Variants in LUZP2 observed in about 807,000 individuals in gnomAD.
The protein encoded by LUZP2 is leucine zipper protein 2.
In LUZP2, 52 loss-of-function variants were observed where a neutral mutation model predicts 51.6. The observed-to-expected ratio is 1.01, with a 90% CI of 0.81 to 1.27. The LOEUF is 1.27. LUZP2 is among the 50% of genes most tolerant of loss of function. LUZP2 has a pLI of 0.00. For synonymous variants in LUZP2, 154 were observed against 137.3 expected (o/e 1.12, Z -0.85); for missense variants, 436 against 395.4 (o/e 1.10, Z -0.87).
chr11:24,656,252 A>G (rs902757889), intron 1 of LUZP2, among the ~76,000 whole-genome samples: 7 of 152,192 alleles, frequency 4.6e-5, no homozygotes, highest in African/African-American at 1.7e-4. Flanking sequence ...CAAAACAAGT[A>G]TCTCCATTCT....
At chr11:24,687,605 G>A (rs896422681) in intron 1 of LUZP2, among the ~76,000 whole-genome samples, 89 of 152,148 alleles carry the variant, frequency 5.8e-4, no homozygotes, top group African/African-American at 2.0e-3. Flanking sequence ...TCTTTCTTAA[G>A]TTCAAATGTT....
chr11:24,856,562 G>A (rs1851573375), intron 5 of LUZP2, among the ~76,000 whole-genome samples: 1 of 151,908 alleles, frequency 6.6e-6, no homozygotes, highest in Admixed American at 6.6e-5. Flanking sequence ...TTCGATCCAG[G>A]TACACAACTG....
At chr11:24,979,795 C>T (rs1206255864) in intron 8 of LUZP2, among the ~76,000 whole-genome samples, 5 of 151,826 alleles carry the variant, frequency 3.3e-5, no homozygotes, top group Admixed American at 2.0e-4. Context: ...CCCTCACACC[C>T]GGGAAAGCAT....
intron 1 of LUZP2, among the ~76,000 whole-genome samples, chr11:24,595,869 G>C (rs1208599865): frequency 6.6e-6 from 1 of 152,044 alleles, no homozygotes; most frequent in Non-Finnish European, 1.5e-5. Context: ...TCTGCTCCTG[G>C]GGCACCCTGG....
chr11:24,559,671 G>T (rs1380776840), intron 1 of LUZP2, among the ~76,000 whole-genome samples: 3 of 152,170 alleles, frequency 2.0e-5, no homozygotes, highest in Non-Finnish European at 4.4e-5. Flanking sequence ...CAATTATCTT[G>T]TGACTTTTCT....
chr11:24,899,021 G>A lies in LUZP2; in HGVS notation c.397-6970G>A, dbSNP rs555796458. Among the ~76,000 whole-genome samples, 44 of 152,046 alleles carry A rather than the reference G, an allele frequency of 2.9e-4. 1 individual carries two copies. Among genetic ancestry groups the A allele is most frequent in the African/African-American group, 1.0e-3 (42 of 41,488 alleles). ...TTATTTTTCTCTGAAAATAACATAC[G>A]CATATTGGCAATTTTCTTTCACTTT... On this transcript the variant is annotated intron_variant, in intron 5 of 11. Coordinates refer to ENST00000336930, the MANE Select transcript of LUZP2 (RefSeq NM_001009909.4).
At chr11:25,062,605 A>G (rs1018786821) in intron 10 of LUZP2, among the ~76,000 whole-genome samples, 2 of 149,032 alleles carry the variant, frequency 1.3e-5, no homozygotes, top group East Asian at 1.9e-4. Flanking sequence ...AAAAAAAAAA[A>G]AAAAAAAAGA....
chr11:24,583,500 TCATAA>T (rs145099091), intron 1 of LUZP2, among the ~76,000 whole-genome samples: 27,975 of 151,868 alleles, frequency 0.18, 2,909 homozygotes, highest in African/African-American at 0.28. Flanking sequence ...TCATTTGCTG[TCATAA>T]CATAACTTTT....
intron 1 of LUZP2, among the ~76,000 whole-genome samples, chr11:24,623,523 T>C (rs925325718): frequency 2.0e-5 from 3 of 152,118 alleles, no homozygotes; most frequent in Non-Finnish European, 2.9e-5. Flanking sequence ...GGAAATGTCG[T>C]ATCACAGCTA....
At chr11:24,762,907 A>C in intron 4 of LUZP2, 1 of 781,706 alleles carries the variant, frequency 1.3e-6, no homozygotes, top group Non-Finnish European at 1.6e-6. Context: ...CCTAGGTTCA[A>C]CTCTAGAATC....
At chr11:24,735,175 C>G (rs571473047) in intron 3 of LUZP2, among the ~76,000 whole-genome samples, 1 of 151,928 alleles carries the variant, frequency 6.6e-6, no homozygotes, top group African/African-American at 2.4e-5. Flanking sequence ...GCAAGACAAA[C>G]AGAGAAAGGA....
chr11:24,778,366 G>A (rs192668438), intron 5 of LUZP2, among the ~76,000 whole-genome samples: 87 of 152,184 alleles, frequency 5.7e-4, no homozygotes, highest in Admixed American at 3.9e-3. Flanking sequence ...AGTGAGTTGT[G>A]GTCATACCAC....
intron 4 of LUZP2, among the ~76,000 whole-genome samples, chr11:24,741,162 A>G (rs1375902477): frequency 6.6e-6 from 1 of 152,066 alleles, no homozygotes; most frequent in Non-Finnish European, 1.5e-5. Context: ...CAATTTCTGC[A>G]TACTGCTGCA....
At chr11:24,758,042 A>C (rs1191025540) in intron 4 of LUZP2, among the ~76,000 whole-genome samples, 1 of 152,112 alleles carries the variant, frequency 6.6e-6, no homozygotes, top group Non-Finnish European at 1.5e-5. Flanking sequence ...AATAACTCTC[A>C]TCTCGTTATG....
At chr11:25,064,919 A>G (rs1406862129) in intron 10 of LUZP2, among the ~76,000 whole-genome samples, 1 of 152,058 alleles carries the variant, frequency 6.6e-6, no homozygotes, top group Non-Finnish European at 1.5e-5. Context: ...TAAAAATCTC[A>G]AAATCTCTAG....
At chr11:25,065,571 C>T (rs773868750) in intron 10 of LUZP2, among the ~76,000 whole-genome samples, 6 of 151,976 alleles carry the variant, frequency 3.9e-5, no homozygotes, top group Non-Finnish European at 5.9e-5. Flanking sequence ...ACATAGATTC[C>T]GTCACCCACG....
intron 5 of LUZP2, among the ~76,000 whole-genome samples, chr11:24,869,753 C>G (rs904968562): frequency 5.3e-5 from 8 of 152,130 alleles, no homozygotes; most frequent in Admixed American, 2.6e-4. Context: ...ATCTCGCTCC[C>G]TCTCATCAGG....
chr11:24,901,222 C>T (rs534024709), intron 5 of LUZP2, among the ~76,000 whole-genome samples: 3 of 151,976 alleles, frequency 2.0e-5, no homozygotes, highest in East Asian at 3.9e-4. Context: ...GGCAAGAGGG[C>T]TTGTCTGAGG....
At chr11:24,725,895 C>T (rs750892279) in intron 1 of LUZP2, among the ~76,000 whole-genome samples, 8 of 151,894 alleles carry the variant, frequency 5.3e-5, no homozygotes, top group African/African-American at 1.2e-4. Context: ...AGAGATACAC[C>T]GGGAAGGAAG....
Sources: gnomAD v4.1 joint callset for allele counts (sites outside exome capture counted in the v4.1 genomes callset) on GRCh38, gnomAD v4.1.1 for gene constraint, MANE v1.5 for transcripts, NCBI Gene and HGNC (gene_info 2026-07-23, HGNC 2026-07-21) for gene names.